Variants in SMAP2 observed in about 807,000 individuals in gnomAD.
SMAP2 encodes small ArfGAP2, also known as stromal membrane-associated protein 2.
Under a neutral mutation model 56.4 loss-of-function variants are expected in SMAP2, and 25 were observed. The observed-to-expected ratio is 0.44, with a 90% CI of 0.32 to 0.62. SMAP2 has a LOEUF of 0.62. Ranked by LOEUF, SMAP2 falls within the 20% of genes least tolerant of loss-of-function variation. SMAP2 has a pLI of 0.04. For missense variants in SMAP2, 388 were observed against 545.6 expected (o/e 0.71, Z 2.88); for synonymous variants, 157 against 181.7 (o/e 0.86, Z 1.09).
rs72258841 is a variant in SMAP2, at chr1:40,374,596, CGTGTGTGTGT to C, written c.103+393_103+402del. 15 of 1,003,224 alleles carry C rather than the reference CGTGTGTGTGT, an allele frequency of 1.5e-5. No individual in the cohort carries two copies. The highest frequency in any genetic ancestry group is 1.2e-4 in the African/African-American group (7 of 56,124). The allele number at this position is 1,003,224 out of a possible 1,614,324, so 62.1% of individuals were successfully genotyped here. A position where few individuals can be genotyped will look rare whatever the true frequency, so the allele number is the denominator to read the frequency against. On this transcript the variant is annotated intron_variant, in intron 1 of 9. Coordinates refer to ENST00000372718, the MANE Select transcript of SMAP2 (RefSeq NM_022733.3). The surrounding 1 kb of genome is among the most constrained non-coding windows in gnomAD (Gnocchi z 5.9). ...ACTGCATTGCGTGCGTGCGTGCGTGCGTGTGTGTGTGTGTGTGTGTGTGTGTGTGAGAGAG... is the reference window on the plus strand; with the variant it reads ...ACTGCATTGCGTGCGTGCGTGCGTGCGTGTGTGTGTGTGTGTGTGAGAGAG...
At chr1:40,388,840 T>C (rs1644687933) in intron 1 of SMAP2, among the ~76,000 whole-genome samples, 2 of 152,186 alleles carry the variant, frequency 1.3e-5, no homozygotes, top group African/African-American at 4.8e-5. Flanking sequence ...ACTGCCTTTA[T>C]GAGCTGCAAC....
intron 1 of SMAP2, among the ~76,000 whole-genome samples, chr1:40,349,420 T>C (rs1333360678): frequency 2.0e-5 from 3 of 152,236 alleles, no homozygotes; most frequent in Admixed American, 6.5e-5. Context: ...AGAGGTTAAG[T>C]ATCTTGCCTC....
At chr1:40,414,285 T>C in intron 6 of SMAP2, 45 bp downstream of exon 6, 1 of 1,575,810 alleles carries the variant, frequency 6.3e-7, no homozygotes. Context: ...CAAATTTTGA[T>C]AAATTCTCAG....
chr1:40,415,224 T>C (rs750153895), intron 6 of SMAP2, 48 bp from the exon 7 acceptor site: 61 of 1,402,956 alleles, frequency 4.3e-5, no homozygotes, highest in Non-Finnish European at 5.8e-5. Context: ...AAGGAAGGCA[T>C]GGGCTTAATA....
At chr1:40,401,694 A>G (rs1002466279) in intron 1 of SMAP2, among the ~76,000 whole-genome samples, 1 of 152,070 alleles carries the variant, frequency 6.6e-6, no homozygotes, top group Non-Finnish European at 1.5e-5. Context: ...AGCAGTAGTT[A>G]CTCCGTATGT....
chr1:40,421,459 C>T (rs186055352), intron 9 of SMAP2, among the ~76,000 whole-genome samples: 4 of 152,032 alleles, frequency 2.6e-5, no homozygotes, highest in African/African-American at 9.6e-5. Flanking sequence ...TCTTCCCCCG[C>T]CCCCGCCCCG....
chr1:40,373,562 C>T (rs7522834), upstream of SMAP2: 24,574 of 153,680 alleles, frequency 0.16, 2,559 homozygotes, highest in African/African-American at 0.3. Flanking sequence ...GCGTGCCCAC[C>T]CCTTCCCTCC....
chr1:40,398,219 C>T lies in SMAP2; in HGVS notation c.104-8517C>T, dbSNP rs115625551. Among the ~76,000 whole-genome samples the T allele has an allele frequency of 3.4e-3, 515 of 151,810 alleles. 3 individuals are homozygous for T. Among genetic ancestry groups the T allele is most frequent in the African/African-American group, 0.012 (478 of 41,376 alleles). ...CTTCTAGATTTTTTTTCTGTGCATA[C>T]GCGTACATTTATTTATTTATTTATT... On this transcript the variant is annotated intron_variant, in intron 1 of 9. Transcript: ENST00000372718.
chr1:40,420,305 A>G (rs1645029788), intron 9 of SMAP2, among the ~76,000 whole-genome samples: 1 of 152,218 alleles, frequency 6.6e-6, no homozygotes, highest in African/African-American at 2.4e-5. Context: ...ATGGAATGCT[A>G]TAAGTCTGAT....
intron 9 of SMAP2, among the ~76,000 whole-genome samples, chr1:40,418,911 A>G (rs955435235): frequency 6.6e-6 from 1 of 152,208 alleles, no homozygotes; most frequent in African/African-American, 2.4e-5. Context: ...AACAGAAGAT[A>G]AGCTTCATCC....
chr1:40,374,972 T>A lies in SMAP2; in HGVS notation c.103+749T>A. 1 of 985,404 alleles carries A rather than the reference T, an allele frequency of 1.0e-6. No individual in the cohort carries two copies. The highest frequency in any genetic ancestry group is 1.2e-6 in the Non-Finnish European group (1 of 829,922). 61.0% of individuals were successfully genotyped at this position (985,404 alleles called of 1,614,324 possible). A position where few individuals can be genotyped will look rare whatever the true frequency, so the allele number is the denominator to read the frequency against. ...CGTTTAATCAGTGGAGAGAGAAAGA[T>A]GAATTCGATGAATTCATTGCTTCCA... On this transcript the variant is annotated intron_variant, in intron 1 of 9. Transcript: ENST00000372718. The surrounding 1 kb of genome is among the most constrained non-coding windows in gnomAD (Gnocchi z 5.9).
At chr1:40,347,476 T>C (rs964968563) in intron 1 of SMAP2, among the ~76,000 whole-genome samples, 1 of 152,116 alleles carries the variant, frequency 6.6e-6, no homozygotes, top group African/African-American at 2.4e-5. Context: ...CTGTGAATTG[T>C]CTTCAGACAA....
chr1:40,395,281 G>GATT (rs1429743378), intron 1 of SMAP2, among the ~76,000 whole-genome samples: 1 of 152,190 alleles, frequency 6.6e-6, no homozygotes, highest in African/African-American at 2.4e-5. Flanking sequence ...CAGGATGACT[G>GATT]ATTGATAGTT....
chr1:40,361,444 T>A (rs1644459513), intron 1 of SMAP2, among the ~76,000 whole-genome samples: 1 of 152,114 alleles, frequency 6.6e-6, no homozygotes, highest in Non-Finnish European at 1.5e-5. Context: ...AGGAATGGAC[T>A]CCTTCTGCTT....
At chr1:40,351,784 G>A (rs889753045) in intron 1 of SMAP2, among the ~76,000 whole-genome samples, 2 of 152,128 alleles carry the variant, frequency 1.3e-5, no homozygotes, top group African/African-American at 4.8e-5. Flanking sequence ...GTACAGGGGT[G>A]AGCCACCGCG....
chr1:40,354,079 G>T (rs1644422070), intron 1 of SMAP2, among the ~76,000 whole-genome samples: 1 of 152,052 alleles, frequency 6.6e-6, no homozygotes, highest in Admixed American at 6.5e-5. Context: ...CTTGCCTCTG[G>T]ATTTCTTGTT....
chr1:40,395,962 G>A (rs376135864), intron 1 of SMAP2, among the ~76,000 whole-genome samples: 3 of 152,064 alleles, frequency 2.0e-5, no homozygotes, highest in East Asian at 1.9e-4. Flanking sequence ...TCCTTTTTCC[G>A]GTTACCTGGT....
intron 2 of SMAP2, among the ~76,000 whole-genome samples, chr1:40,363,304 C>T (rs1644467181): frequency 6.6e-6 from 1 of 151,996 alleles, no homozygotes; most frequent in Non-Finnish European, 1.5e-5. Context: ...GAAGGTAAAT[C>T]ATGGTGATAG....
In SMAP2 at chr1:40,384,007, A is replaced by G. The variant is rs139113670; in HGVS notation, c.103+9784A>G. ...TGGCTCCCGGGTTCAAGTGATTCTC[A>G]TGCCTCAGCCTTCCAAGTAGCTGGG... On this transcript the variant is annotated intron_variant, in intron 1 of 9. Coordinates refer to ENST00000372718, the MANE Select transcript of SMAP2 (RefSeq NM_022733.3). Among the ~76,000 whole-genome samples, 319 of 151,934 alleles carry G rather than the reference A, an allele frequency of 2.1e-3. 4 individuals are homozygous for G. The highest frequency in any genetic ancestry group is 7.1e-3 in the African/African-American group (296 of 41,426).
Sources: gnomAD v4.1 joint callset for allele counts (sites outside exome capture counted in the v4.1 genomes callset) on GRCh38, gnomAD v4.1.1 for gene constraint, Gnocchi (gnomAD v3.1) non-coding constraint, MANE v1.5 for transcripts, NCBI Gene and HGNC (gene_info 2026-07-23, HGNC 2026-07-21) for gene names.